NR1D2: variants seen among roughly 807,000 people sequenced by gnomAD.
NR1D2 encodes the protein V-erbA-related protein 1-related.
A neutral mutation model predicts 52.2 loss-of-function variants in NR1D2; 25 were observed. That is an observed-to-expected ratio of 0.48 (90% confidence interval 0.35 to 0.67). The LOEUF (loss-of-function observed/expected upper bound fraction) is 0.67. NR1D2 is among the 30% of genes least tolerant of loss of function. NR1D2 has a pLI of 0.01. For missense variants in NR1D2, 681 were observed against 707.2 expected (o/e 0.96, Z 0.42); for synonymous variants, 259 against 230.1 (o/e 1.13, Z -1.14).
At position 23,967,968 on chromosome 3, in the gene NR1D2, C is replaced by A; in HGVS notation, c.1488C>A (p.Leu496=). The change falls in exon 7 of 8, where the codon CTC becomes CTA. Residue 496 remains leucine (L), a synonymous_variant. Transcript: ENST00000312521. ...AATTTAGTGAGAAGCTAAATGCCCTCCAACTTAGTGATGAAGAGATGAGTT... is the reference window on the plus strand; with the variant it reads ...AATTTAGTGAGAAGCTAAATGCCCTACAACTTAGTGATGAAGAGATGAGTT... ...MFEFSEKLNA[L]QLSDEEMSLF... 1.2e-6 allele frequency: 2 copies of A among 1,614,140 alleles called. No individual in the cohort carries two copies. The highest frequency in any genetic ancestry group is 1.6e-4 in the Middle Eastern group (1 of 6,062).
chr3:23,958,762 A>G (rs1423214943), intron 3 of NR1D2, among the ~76,000 whole-genome samples: 1 of 152,032 alleles, frequency 6.6e-6, no homozygotes, highest in Non-Finnish European at 1.5e-5. Context: ...AGCCTGGCCA[A>G]CATGGTGAAA....
Position 23,967,797 on chromosome 3 carries a change from C to G in NR1D2, c.1333-16C>G, listed in dbSNP as rs1287085059. 6.3e-7 allele frequency: 1 copy of G among 1,598,868 alleles called. No individual in the cohort carries two copies. Among genetic ancestry groups the G allele is most frequent in the East Asian group, 2.2e-5 (1 of 44,696 alleles). On this transcript the variant is annotated splice_polypyrimidine_tract_variant and intron_variant, in intron 6 of 7. Transcript: ENST00000312521. ...CTGTTAGACTTCTCCAAATACATTT[C>G]TTTTTCTTTTTCCAGGTTTTAATGG...
intron 7 of NR1D2, among the ~76,000 whole-genome samples, chr3:23,972,729 A>G (rs1382557819): frequency 6.6e-6 from 1 of 152,188 alleles, no homozygotes; most frequent in Non-Finnish European, 1.5e-5. Context: ...CTGCAGTACT[A>G]GTGTAGCATT....
At chr3:23,962,756 AT>A (rs1025261292) in intron 5 of NR1D2, 151 bp downstream of exon 5, 11 of 692,142 alleles carry the variant, frequency 1.6e-5, no homozygotes, top group Middle Eastern at 4.1e-4. Flanking sequence ...AGGTCAAATA[AT>A]TTTAATAAAC....
At chr3:23,947,061 G>C (rs1054010242) in intron 1 of NR1D2, among the ~76,000 whole-genome samples, 1 of 151,994 alleles carries the variant, frequency 6.6e-6, no homozygotes, top group African/African-American at 2.4e-5. Context: ...CAAAAATCTG[G>C]ATCTAATTGT....
chr3:23,951,173 G>T (rs530316410), intron 1 of NR1D2, among the ~76,000 whole-genome samples: 51 of 152,132 alleles, frequency 3.4e-4, no homozygotes, highest in Non-Finnish European at 6.2e-4. Context: ...CCAAAGTGCT[G>T]AGGTTACAGG....
At chr3:23,947,496 G>T (rs936125191) in intron 1 of NR1D2, among the ~76,000 whole-genome samples, 1 of 152,204 alleles carries the variant, frequency 6.6e-6, no homozygotes, top group African/African-American at 2.4e-5. Context: ...TTGTGGAAGT[G>T]GTTGGATGAT....
chr3:23,977,446 G>A lies in NR1D2; in HGVS notation c.*27G>A, dbSNP rs201841751. The A allele has an allele frequency of 5.2e-5, 75 of 1,449,638 alleles. No homozygotes were observed. In the Admixed American group the frequency reaches 1.1e-3, roughly 21 times the overall value. 89.8% of individuals were successfully genotyped at this position (1,449,638 alleles called of 1,614,324 possible). A position where few individuals can be genotyped will look rare whatever the true frequency, so the allele number is the denominator to read the frequency against. ...GCCTTTGTTTATTTAAACATGAACT[G>A]ATGGTAACTGTACATTTTGTGCTAA... On this transcript the variant is annotated 3_prime_UTR_variant, in exon 8 of 8. Coordinates refer to ENST00000312521, the MANE Select transcript of NR1D2 (RefSeq NM_005126.5).
rs756958889 is a variant in NR1D2 at position 23,962,025 on chromosome 3, T to C, written c.566T>C (p.Ile189Thr). 4.3e-6 allele frequency: 7 copies of C among 1,613,320 alleles called. No homozygotes were observed. The highest frequency in any genetic ancestry group is 1.7e-5 in the Admixed American group (1 of 59,892). ...AAGCGTGAAAAACAGAGGATGCTAA[T>C]TGAAATGCAAAGTGCAATGAAGACC... ...IPKREKQRML[I>T]EMQSAMKTMM... The change falls in exon 5 of 8, where the codon ATT becomes ACT. Residue 189 changes from isoleucine to threonine, a missense_variant. Coordinates refer to ENST00000312521, the MANE Select transcript of NR1D2 (RefSeq NM_005126.5).
intron 1 of NR1D2, among the ~76,000 whole-genome samples, chr3:23,947,620 C>G (rs1705783017): frequency 6.6e-6 from 1 of 152,224 alleles, no homozygotes; most frequent in Non-Finnish European, 1.5e-5. Context: ...TTGCAGTCAA[C>G]TAGGACCTTT....
intron 4 of NR1D2, 194 bp downstream of exon 4, chr3:23,960,009 T>C: frequency 2.4e-6 from 1 of 409,472 alleles, no homozygotes; most frequent in Non-Finnish European, 4.1e-6. Flanking sequence ...CAGAAACAGT[T>C]TTTGGCTAAA....
At chr3:23,959,226 T>C (rs1706172541) in intron 3 of NR1D2, among the ~76,000 whole-genome samples, 1 of 148,570 alleles carries the variant, frequency 6.7e-6, no homozygotes, top group Admixed American at 6.8e-5. Flanking sequence ...ATCATGCCAC[T>C]GCACTCTAGC....
At position 23,962,566 on chromosome 3, in the gene NR1D2, G is replaced by A; in HGVS notation, c.1107G>A (p.Lys369=). The change falls in exon 5 of 8, where the codon AAG becomes AAA. Residue 369 remains lysine (K), a synonymous_variant. Coordinates refer to ENST00000312521, the MANE Select transcript of NR1D2 (RefSeq NM_005126.5). ...PIDGFSQNEN[K]NSYLCNTGGR... Reference sequence around the variant, plus strand: ...ATGGATTTTCTCAGAATGAGAACAAGAATAGTTACCTGTGCAACACTGGAG... The same window carrying A: ...ATGGATTTTCTCAGAATGAGAACAAAAATAGTTACCTGTGCAACACTGGAG... 6.2e-7 allele frequency: 1 copy of A among 1,612,288 alleles called. No homozygotes were observed. Among genetic ancestry groups the A allele is most frequent in the Non-Finnish European group, 8.5e-7 (1 of 1,178,620 alleles).
chr3:23,979,682 T>G lies in NR1D2; in HGVS notation c.*2263T>G, dbSNP rs893810820. ...TCATATGTCACTCATAGCATTTCTA[T>G]ATTTGAAAGTAGCCCAATATAAAAC... On this transcript the variant is annotated 3_prime_UTR_variant, in exon 8 of 8. Coordinates refer to ENST00000312521, the MANE Select transcript of NR1D2 (RefSeq NM_005126.5). 3.3e-5 allele frequency: 5 copies of G among 152,114 alleles called. No homozygotes were observed. Among genetic ancestry groups the G allele is most frequent in the Non-Finnish European group, 7.4e-5 (5 of 67,942 alleles). The allele number at this position is 152,114 out of a possible 1,614,324, so 9.4% of individuals were successfully genotyped here. A position where few individuals can be genotyped will look rare whatever the true frequency, so the allele number is the denominator to read the frequency against.
chr3:23,965,462 G>A (rs144127454), intron 6 of NR1D2, among the ~76,000 whole-genome samples: 3 of 151,080 alleles, frequency 2.0e-5, no homozygotes, highest in African/African-American at 7.3e-5. Context: ...GCCCAGGCTG[G>A]TCTCAAACTC....
At chr3:23,957,983 A>G (rs1706131815) in intron 3 of NR1D2, among the ~76,000 whole-genome samples, 1 of 152,226 alleles carries the variant, frequency 6.6e-6, no homozygotes, top group Non-Finnish European at 1.5e-5. Context: ...ATAAAAGGAA[A>G]ATGCAGTTTA....
intron 5 of NR1D2, chr3:23,964,638 C>G (rs1706390481): frequency 6.0e-6 from 1 of 165,816 alleles, no homozygotes; most frequent in Non-Finnish European, 1.3e-5. Flanking sequence ...AATTTGTTTG[C>G]AAAATTATAA....
In NR1D2 at chr3:23,962,144, C is replaced by T. The variant is rs1706265438; in HGVS notation, c.685C>T (p.Pro229Ser). The T allele has an allele frequency of 6.8e-6, 11 of 1,614,186 alleles. No homozygotes were observed. In the East Asian group the frequency reaches 2.2e-4, roughly 33 times the overall value. Reference protein sequence around the residue: ...TALPAQEQLRPKPQLEQENIK... With the variant: ...TALPAQEQLRSKPQLEQENIK... ...CTTGCCAGCCCAGGAACAGCTGCGA[C>T]CCAAGCCCCAACTGGAGCAAGAAAA... Residue 229 changes from proline (P) to serine (S), a missense_variant, in exon 5 of 8, where the codon CCC becomes TCC. Coordinates refer to ENST00000312521, the MANE Select transcript of NR1D2 (RefSeq NM_005126.5).
chr3:23,958,767 G>A (rs1445771992), intron 3 of NR1D2, among the ~76,000 whole-genome samples: 2 of 151,804 alleles, frequency 1.3e-5, no homozygotes, highest in Non-Finnish European at 2.9e-5. Context: ...GGCCAACATG[G>A]TGAAACCCTG....
Sources: gnomAD v4.1 joint callset for allele counts (sites outside exome capture counted in the v4.1 genomes callset) on GRCh38, gnomAD v4.1.1 for gene constraint, MANE v1.5 for transcripts, NCBI Gene and HGNC (gene_info 2026-07-23, HGNC 2026-07-21) for gene names.